Variants in LSM3 observed in about 807,000 individuals in gnomAD.
The protein encoded by LSM3 is U6 snRNA-associated Sm-like protein LSm3.
LSM3 carries 14 observed loss-of-function variants against 15.4 expected under a neutral mutation model. That is an observed-to-expected ratio of 0.91 (90% CI 0.60 to 1.42). The LOEUF is 1.42. Ranked by LOEUF, LSM3 falls within the 40% of genes most tolerant of loss-of-function variation. The probability of loss-of-function intolerance (pLI) is 0.00; values close to 1 mark genes in which losing one functional copy is unlikely to be tolerated. For synonymous variants in LSM3, 46 were observed against 45.1 expected, an observed-to-expected ratio of 1.02 and a Z score of -0.08; for missense variants, 88 against 127.9, an observed-to-expected ratio of 0.69 and a Z score of 1.50.
At position 14,198,084 on chromosome 3, in the gene LSM3, G is replaced by T; in HGVS notation, c.277G>T (p.Val93Phe). The change falls in exon 4 of 4, where the codon GTC becomes TTC. Residue 93 changes from valine (V) to phenylalanine (F), a missense_variant. By Grantham distance (50) the Val-to-Phe change is conservative. Transcript: ENST00000306024. The stretch of plus-strand genomic sequence containing the variant: ...GCTCTTTGTCCGGGGAGATGGCGTT[G>T]TCCTGGTTGCCCCTCCACTGAGAGT... The part of the protein sequence containing the change: ...PMLFVRGDGV[V>F]LVAPPLRVG 6.2e-7 allele frequency: 1 copy of T among 1,613,570 alleles called. No individual in the cohort carries two copies. The highest frequency in any genetic ancestry group is 8.5e-7 in the Non-Finnish European group (1 of 1,179,832).
At position 14,180,821 on chromosome 3, in the gene LSM3, C is replaced by CTTT. The variant is rs1164090236; in HGVS notation, c.22-705_22-703dup. Among the ~76,000 whole-genome samples the CTTT allele has an allele frequency of 3.1e-3, 145 of 46,648 alleles. 14 individuals are homozygous for CTTT. The East Asian group carries it at 0.035, about 11-fold the overall frequency. 30.6% of individuals were successfully genotyped at this position (46,648 alleles called of 152,430 possible). On this transcript the variant is annotated intron_variant, in intron 1 of 3. Coordinates refer to ENST00000306024, the MANE Select transcript of LSM3 (RefSeq NM_014463.3). ...GACTCCAAAGCCAGTGCTTGCTTGC[C>CTTT]TTTTTTTTTTTTTTTTTTTTTTTTT...
At chr3:14,180,470 G>T (rs993280695) in intron 1 of LSM3, among the ~76,000 whole-genome samples, 3 of 151,964 alleles carry the variant, frequency 2.0e-5, no homozygotes, top group Admixed American at 1.3e-4. Flanking sequence ...TGTATTTTTC[G>T]TAGAGATGGG....
chr3:14,184,482 C>T (rs1315820392), intron 3 of LSM3, among the ~76,000 whole-genome samples: 2 of 152,018 alleles, frequency 1.3e-5, no homozygotes, highest in South Asian at 2.1e-4. Flanking sequence ...GGGCCGGGCG[C>T]GGTGGCTCAC....
intron 3 of LSM3, among the ~76,000 whole-genome samples, chr3:14,185,880 A>G (rs1432037752): frequency 6.6e-6 from 1 of 151,944 alleles, no homozygotes; most frequent in Non-Finnish European, 1.5e-5. Context: ...AAAAAAAATC[A>G]CATTTATTAG....
At chr3:14,197,282 TCTA>T (rs1309653592) in intron 3 of LSM3, among the ~76,000 whole-genome samples, 2 of 152,262 alleles carry the variant, frequency 1.3e-5, no homozygotes, top group Non-Finnish European at 2.9e-5. Flanking sequence ...AACAGCAACA[TCTA>T]CTAACATTTG....
At chr3:14,179,430 G>C (rs1369360384) in intron 1 of LSM3, among the ~76,000 whole-genome samples, 1 of 152,218 alleles carries the variant, frequency 6.6e-6, no homozygotes, top group Non-Finnish European at 1.5e-5. Flanking sequence ...CAGAATAACA[G>C]ATGGTCCTAG....
intron 3 of LSM3, 53 bp downstream of exon 3, chr3:14,184,085 G>C: frequency 6.4e-7 from 1 of 1,556,596 alleles, no homozygotes; most frequent in Non-Finnish European, 8.7e-7. Context: ...GTTCTCTCTC[G>C]AACAGCTTAA....
Position 14,200,250 on chromosome 3 carries a change from A to T in LSM3, c.*2134A>T, listed in dbSNP as rs941956813. Reference sequence around the variant, plus strand: ...AGGGACAATAAAAGGTTAACTGCAGAATAGCCACCTATGTGTCAGGAAATG... The same window carrying T: ...AGGGACAATAAAAGGTTAACTGCAGTATAGCCACCTATGTGTCAGGAAATG... On this transcript the variant is annotated 3_prime_UTR_variant, in exon 4 of 4. Coordinates refer to ENST00000306024, the MANE Select transcript of LSM3 (RefSeq NM_014463.3). The T allele has an allele frequency of 2.0e-5, 3 of 152,246 alleles. No individual in the cohort carries two copies. Among genetic ancestry groups the T allele is most frequent in the African/African-American group, 7.2e-5 (3 of 41,464 alleles). 9.4% of individuals were successfully genotyped at this position (152,246 alleles called of 1,614,324 possible). A position where few individuals can be genotyped will look rare whatever the true frequency, so the allele number is the denominator to read the frequency against.
intron 1 of LSM3, among the ~76,000 whole-genome samples, chr3:14,180,584 G>A (rs565724331): frequency 9.7e-4 from 148 of 152,094 alleles, no homozygotes; most frequent in African/African-American, 3.1e-3. Context: ...CACCACGCCC[G>A]GCCAATAGGA....
At position 14,198,313 on chromosome 3, in the gene LSM3, A is replaced by G. The variant is rs1025306623; in HGVS notation, c.*197A>G. The G allele has an allele frequency of 1.8e-6, 1 of 549,318 alleles. No homozygotes were observed. The highest frequency in any genetic ancestry group is 3.2e-6 in the Non-Finnish European group (1 of 310,478). The allele number at this position is 549,318 out of a possible 1,614,324, so 34.0% of individuals were successfully genotyped here. ...CTAAATGGTATTTTCATTTTTCTCAAGCTCTCCAATAAATATGACCACCAA... is the reference window on the plus strand; with the variant it reads ...CTAAATGGTATTTTCATTTTTCTCAGGCTCTCCAATAAATATGACCACCAA... On this transcript the variant is annotated 3_prime_UTR_variant, in exon 4 of 4. Transcript: ENST00000306024.
intron 1 of LSM3, among the ~76,000 whole-genome samples, chr3:14,180,980 T>G (rs1255716769): frequency 6.6e-6 from 1 of 151,212 alleles, no homozygotes; most frequent in Non-Finnish European, 1.5e-5. Flanking sequence ...GCCCTTGGAG[T>G]AGCTGGGACT....
intron 3 of LSM3, among the ~76,000 whole-genome samples, chr3:14,191,690 T>C (rs1697141225): frequency 6.6e-6 from 1 of 152,188 alleles, no homozygotes; most frequent in Non-Finnish European, 1.5e-5. Flanking sequence ...TTTATTAGTC[T>C]GGCTAGCAGT....
rs138222355 is a variant in LSM3 at position 14,185,371 on chromosome 3, CAAAAA to C, written c.228+1344_228+1348del. On this transcript the variant is annotated intron_variant, in intron 3 of 3. Coordinates refer to ENST00000306024, the MANE Select transcript of LSM3 (RefSeq NM_014463.3). ...TGTCTCAAAACAAAACAAAACAAAA[CAAAAA>C]AAAACCTATCACGTGTTACTGTAAG... 5.8e-4 allele frequency among the ~76,000 whole-genome samples: 87 copies of C among 150,572 alleles called. 1 individual carries two copies. Among genetic ancestry groups the C allele is most frequent in the African/African-American group, 2.1e-3 (86 of 41,092 alleles).
At chr3:14,193,455 T>C (rs1283782559) in intron 3 of LSM3, among the ~76,000 whole-genome samples, 1 of 152,254 alleles carries the variant, frequency 6.6e-6, no homozygotes, top group Non-Finnish European at 1.5e-5. Flanking sequence ...GTCCCATATT[T>C]CTTGGAGGCT....
chr3:14,179,120 T>G (rs1290782756), intron 1 of LSM3, among the ~76,000 whole-genome samples: 2 of 152,224 alleles, frequency 1.3e-5, no homozygotes, highest in African/African-American at 4.8e-5. Context: ...ATCTGTAGAT[T>G]ATTATCCTTA....
chr3:14,180,835 TTTTTTTTTTTTTTTTTTTTTTTA>T (rs1474394269), intron 1 of LSM3, among the ~76,000 whole-genome samples: 2 of 83,838 alleles, frequency 2.4e-5, no homozygotes, highest in East Asian at 2.3e-4. Context: ...TTTTTTTTTT[TTTTTTTTTTTTTTTTTTTTTTTA>T]AAAAAAAAAA....
chr3:14,188,789 G>A (rs548992972), intron 3 of LSM3, among the ~76,000 whole-genome samples: 2 of 152,164 alleles, frequency 1.3e-5, no homozygotes, highest in Non-Finnish European at 2.9e-5. Context: ...CTATTCTGCT[G>A]TAAATAATTT....
intron 3 of LSM3, among the ~76,000 whole-genome samples, chr3:14,189,100 G>A (rs1051536440): frequency 6.6e-6 from 1 of 152,090 alleles, no homozygotes; most frequent in African/African-American, 2.4e-5. Flanking sequence ...ATGGTTTCCA[G>A]CTTCATCCAT....
intron 2 of LSM3, among the ~76,000 whole-genome samples, chr3:14,182,006 T>C (rs888809140): frequency 2.6e-5 from 4 of 152,138 alleles, no homozygotes; most frequent in African/African-American, 9.7e-5. Context: ...AGCACAAAAA[T>C]ATATAGAGTA....
Sources: allele counts gnomAD v4.1 joint callset (sites outside exome capture counted in the v4.1 genomes callset), GRCh38; gene constraint gnomAD v4.1.1; transcripts MANE v1.5; gene names NCBI Gene and HGNC (gene_info 2026-07-23, HGNC 2026-07-21).